The following PLGRKT variants were observed in gnomAD, a reference collection of about 807,000 sequenced individuals.
The protein encoded by PLGRKT is plasminogen receptor with a C-terminal lysine.
Under a neutral mutation model 18.5 loss-of-function variants are expected in PLGRKT, and 22 were observed. The observed-to-expected ratio is 1.19, with a 90% CI of 0.85 to 1.70. The LOEUF (loss-of-function observed/expected upper bound fraction) is 1.70, where lower values mean the gene tolerates loss of function less well. PLGRKT is among the 40% of genes most tolerant of loss of function. The pLI is 0.00. For missense variants in PLGRKT, 235 were observed against 174.4 expected, an observed-to-expected ratio of 1.35 and a Z score of -1.96; for synonymous variants, 72 against 52.8, an observed-to-expected ratio of 1.36 and a Z score of -1.58.
chr9:5,379,245 C>T (rs758348251), intron 3 of PLGRKT, among the ~76,000 whole-genome samples: 10 of 152,092 alleles, frequency 6.6e-5, no homozygotes, highest in Non-Finnish European at 1.5e-4. Context: ...TAATCAAAAT[C>T]TGATCAGAAA....
intron 3 of PLGRKT, among the ~76,000 whole-genome samples, chr9:5,370,528 G>C (rs1294396800): frequency 6.6e-6 from 1 of 152,130 alleles, no homozygotes; most frequent in African/African-American, 2.4e-5. Flanking sequence ...CTATGTTTTA[G>C]TTTCCAATGA....
intron 3 of PLGRKT, among the ~76,000 whole-genome samples, chr9:5,428,947 C>A (rs542413421): frequency 6.6e-6 from 1 of 152,290 alleles, no homozygotes; most frequent in East Asian, 1.9e-4. Flanking sequence ...AGCAATCATC[C>A]TGCCATGGTC....
intron 3 of PLGRKT, among the ~76,000 whole-genome samples, chr9:5,425,231 A>C (rs556046738): frequency 9.2e-5 from 14 of 152,252 alleles, no homozygotes; most frequent in African/African-American, 3.1e-4. Flanking sequence ...TGTGCCTCCT[A>C]GTGGCATTTT....
intron 3 of PLGRKT, among the ~76,000 whole-genome samples, chr9:5,379,340 T>G (rs188569455): frequency 6.6e-6 from 1 of 152,198 alleles, no homozygotes; most frequent in South Asian, 2.1e-4. Context: ...AAAATTGTCT[T>G]ACCTGCCAGA....
At chr9:5,422,203 C>T (rs10975108) in intron 3 of PLGRKT, among the ~76,000 whole-genome samples, 33,225 of 152,048 alleles carry the variant, frequency 0.22, 4,020 homozygotes, top group Non-Finnish European at 0.27. Flanking sequence ...TAAGGCCGGC[C>T]GATCACAGGT....
At position 5,393,837 on chromosome 9, in the gene PLGRKT, A is replaced by G. The variant is rs1042435210; in HGVS notation, c.82-31949T>C. On this transcript the variant is annotated intron_variant, in intron 3 of 5. Transcript: ENST00000223864. Reference sequence around the variant, plus strand: ...TTTCTGGGTTGATTCCAAAGAGAATAGATTTCCGTTTTAAAGATTTTTAAG... The same window carrying G: ...TTTCTGGGTTGATTCCAAAGAGAATGGATTTCCGTTTTAAAGATTTTTAAG... Among the ~76,000 whole-genome samples the G allele has an allele frequency of 9.9e-5, 15 of 151,940 alleles. 1 individual carries two copies. The highest frequency in any genetic ancestry group is 3.6e-4 in the African/African-American group (15 of 41,190).
chr9:5,430,340 A>G (rs1165016708), intron 3 of PLGRKT, among the ~76,000 whole-genome samples: 3 of 152,216 alleles, frequency 2.0e-5, no homozygotes, highest in Non-Finnish European at 4.4e-5. Context: ...TAAGCATCGG[A>G]TAGCTGGCTG....
intron 5 of PLGRKT, among the ~76,000 whole-genome samples, chr9:5,359,201 T>C (rs897241336): frequency 1.3e-5 from 2 of 152,058 alleles, no homozygotes; most frequent in African/African-American, 4.8e-5. Context: ...TAGCTGGGAC[T>C]ACAGGTGGTG....
chr9:5,380,182 G>A (rs970460871), intron 3 of PLGRKT, among the ~76,000 whole-genome samples: 6 of 151,952 alleles, frequency 3.9e-5, no homozygotes, highest in African/African-American at 1.2e-4. Context: ...GGCTAACACG[G>A]TGAAACCCCG....
intron 3 of PLGRKT, among the ~76,000 whole-genome samples, chr9:5,407,408 A>G (rs1426030272): frequency 6.6e-6 from 1 of 152,212 alleles, no homozygotes; most frequent in East Asian, 1.9e-4. Flanking sequence ...TCTTCCAAGG[A>G]AAGCACTATG....
intron 3 of PLGRKT, among the ~76,000 whole-genome samples, chr9:5,397,135 C>T (rs1406033076): frequency 1.3e-5 from 2 of 151,872 alleles, no homozygotes; most frequent in Non-Finnish European, 2.9e-5. Flanking sequence ...GGCTACAAAA[C>T]GAAATTGTAG....
chr9:5,427,784 T>C (rs921716906), intron 3 of PLGRKT, among the ~76,000 whole-genome samples: 2 of 152,180 alleles, frequency 1.3e-5, no homozygotes, highest in African/African-American at 2.4e-5. Context: ...ATAGAAATAT[T>C]TGACTTTCTG....
chr9:5,436,375 A>C (rs1437920774), intron 2 of PLGRKT, among the ~76,000 whole-genome samples, 194 bp downstream of exon 2: 2 of 152,176 alleles, frequency 1.3e-5, no homozygotes, highest in African/African-American at 2.4e-5. Context: ...AAATTTTTAC[A>C]CCTGCTGCAA....
chr9:5,413,628 T>G (rs1586735653), intron 3 of PLGRKT, among the ~76,000 whole-genome samples: 1 of 152,152 alleles, frequency 6.6e-6, no homozygotes, highest in African/African-American at 2.4e-5. Flanking sequence ...GGAAAGAGGT[T>G]TTCTCCTAGA....
At chr9:5,380,651 AATTTT>A (rs1817724522) in intron 3 of PLGRKT, among the ~76,000 whole-genome samples, 1 of 152,116 alleles carries the variant, frequency 6.6e-6, no homozygotes, top group Non-Finnish European at 1.5e-5. Flanking sequence ...TTCACTTTTA[AATTTT>A]ATTTTATCTT....
chr9:5,418,573 G>C lies in PLGRKT; in HGVS notation c.81+13324C>G, dbSNP rs1818509966. ...GCCTTGCAGAGGCTGCTGTCCAGCAGGGATGGTCACCACAGTGACGGACTT... is the reference window on the plus strand; with the variant it reads ...GCCTTGCAGAGGCTGCTGTCCAGCACGGATGGTCACCACAGTGACGGACTT... On this transcript the variant is annotated intron_variant, in intron 3 of 5. Transcript: ENST00000223864. This position sits in a 1 kb window ranked among gnomAD's most constrained non-coding sequence, Gnocchi z 4.2. 1.3e-6 allele frequency: 1 copy of C among 777,680 alleles called. No individual in the cohort carries two copies. The highest frequency in any genetic ancestry group is 2.3e-6 in the Non-Finnish European group (1 of 429,494). The allele number at this position is 777,680 out of a possible 1,614,324, so 48.2% of individuals were successfully genotyped here.
In PLGRKT at chr9:5,361,755, T is replaced by C. The variant is rs572688682; in HGVS notation, c.212+3A>G. 9 of 1,601,884 alleles carry C rather than the reference T, an allele frequency of 5.6e-6. No homozygotes were observed. The African/African-American group carries it at 1.1e-4, about 19-fold the overall frequency. ...TGAAGAAAATGTTAAATAGCAAACATACCCAGCTGTTAAAGAGATGGCTGC... is the reference window on the plus strand; with the variant it reads ...TGAAGAAAATGTTAAATAGCAAACACACCCAGCTGTTAAAGAGATGGCTGC... On this transcript the variant is annotated splice_donor_region_variant and intron_variant, in intron 4 of 5. Coordinates refer to ENST00000223864, the MANE Select transcript of PLGRKT (RefSeq NM_018465.4).
intron 2 of PLGRKT, among the ~76,000 whole-genome samples, chr9:5,435,120 C>A (rs1191071528): frequency 2.0e-5 from 3 of 151,980 alleles, no homozygotes; most frequent in African/African-American, 7.3e-5. Context: ...TTGAAGACAG[C>A]ATGCTCGTTA....
chr9:5,381,630 C>A (rs946234875), intron 3 of PLGRKT, among the ~76,000 whole-genome samples: 1 of 152,170 alleles, frequency 6.6e-6, no homozygotes, highest in Admixed American at 6.5e-5. Flanking sequence ...CTTTTTCACA[C>A]GGCTATAAAT....
Sources: allele counts gnomAD v4.1 joint callset (sites outside exome capture counted in the v4.1 genomes callset), GRCh38; gene constraint gnomAD v4.1.1; non-coding constraint Gnocchi (gnomAD v3.1); transcripts MANE v1.5; gene names NCBI Gene and HGNC (gene_info 2026-07-23, HGNC 2026-07-21).